Variants in SYNDIG1 observed in about 807,000 individuals in gnomAD.
SYNDIG1 encodes synapse differentiation inducing 1, also known as synapse differentiation-inducing gene protein 1.
In SYNDIG1, 9 loss-of-function variants were observed where a neutral mutation model predicts 19.4. The ratio of observed to expected loss-of-function variants is 0.46; its 90% confidence interval spans 0.28 to 0.81. The LOEUF is 0.81. SYNDIG1 is among the 30% of genes least tolerant of loss of function. The pLI, the probability that SYNDIG1 is intolerant of heterozygous loss-of-function variation, is 0.12. For missense variants in SYNDIG1, 311 were observed against 343.3 expected (o/e 0.91, Z 0.74); for synonymous variants, 141 against 145.9 (o/e 0.97, Z 0.24).
chr20:24,484,493 G>A (rs563705011), intron 1 of SYNDIG1, among the ~76,000 whole-genome samples: 4 of 152,230 alleles, frequency 2.6e-5, no homozygotes, highest in Admixed American at 6.5e-5. Context: ...GTCAGGTCAC[G>A]TCACTGTCGC....
chr20:24,505,974 T>C (rs934239426), intron 1 of SYNDIG1, among the ~76,000 whole-genome samples: 1 of 152,240 alleles, frequency 6.6e-6, no homozygotes, highest in East Asian at 1.9e-4. Context: ...TCTTTGTAAC[T>C]GGTCCAGAAC....
intron 3 of SYNDIG1, among the ~76,000 whole-genome samples, chr20:24,591,008 G>C (rs1257035693): frequency 6.6e-6 from 1 of 152,024 alleles, no homozygotes; most frequent in Non-Finnish European, 1.5e-5. Context: ...TGGGTGCTGG[G>C]GACATTCTCT....
chr20:24,627,971 A>G (rs572522528), intron 3 of SYNDIG1, among the ~76,000 whole-genome samples: 1 of 152,330 alleles, frequency 6.6e-6, no homozygotes, highest in African/African-American at 2.4e-5. Flanking sequence ...GTATCTTTAA[A>G]TCTTTTATTC....
At chr20:24,582,109 C>T (rs2058335407) in intron 2 of SYNDIG1, among the ~76,000 whole-genome samples, 1 of 132,252 alleles carries the variant, frequency 7.6e-6, no homozygotes, top group African/African-American at 2.9e-5. Context: ...TGTCCTCCCC[C>T]ATGTACGTCC....
At position 24,602,343 on chromosome 20, in the gene SYNDIG1, C is replaced by G. The variant is rs534884387; in HGVS notation, c.618+17350C>G. On this transcript the variant is annotated intron_variant, in intron 3 of 3. Transcript: ENST00000376862. ...TTATTTCTTTGCTGTTTTTCCAGCACATACGGCACAAAAAATTCAAGACCA... is the reference window on the plus strand; with the variant it reads ...TTATTTCTTTGCTGTTTTTCCAGCAGATACGGCACAAAAAATTCAAGACCA... Among the ~76,000 whole-genome samples the G allele has an allele frequency of 5.3e-5, 8 of 152,330 alleles. No individual in the cohort carries two copies. In the South Asian group the frequency reaches 1.4e-3, roughly 28 times the overall value.
intron 3 of SYNDIG1, among the ~76,000 whole-genome samples, chr20:24,623,665 G>T (rs1435814943): frequency 6.6e-6 from 1 of 152,144 alleles, no homozygotes; most frequent in African/African-American, 2.4e-5. Flanking sequence ...TGAGGTACCC[G>T]CACGACACAT....
At chr20:24,606,181 T>C (rs2058754471) in intron 3 of SYNDIG1, among the ~76,000 whole-genome samples, 1 of 152,230 alleles carries the variant, frequency 6.6e-6, no homozygotes, top group Admixed American at 6.5e-5. Context: ...GGAGCATCAT[T>C]GCAAGTGTCT....
At position 24,548,776 on chromosome 20, in the gene SYNDIG1, T is replaced by G. The variant is rs1032736843; in HGVS notation, c.480+5199T>G. On this transcript the variant is annotated intron_variant, in intron 2 of 3. Transcript: ENST00000376862. ...TTTAGTGTGAGTGAACGAACATCCTTGCCTTGCTCCTGATCTTAGGGGGAG... is the reference window on the plus strand; with the variant it reads ...TTTAGTGTGAGTGAACGAACATCCTGGCCTTGCTCCTGATCTTAGGGGGAG... Among the ~76,000 whole-genome samples the G allele has an allele frequency of 3.9e-5, 6 of 152,184 alleles. No homozygotes were observed. In the East Asian group the frequency reaches 9.6e-4, roughly 24 times the overall value.
chr20:24,551,241 C>T (rs555315539), intron 2 of SYNDIG1, among the ~76,000 whole-genome samples: 2 of 152,112 alleles, frequency 1.3e-5, no homozygotes, highest in Admixed American at 1.3e-4. Context: ...ATTCTTGTCC[C>T]AGTTTTAGTA....
intron 1 of SYNDIG1, among the ~76,000 whole-genome samples, chr20:24,521,989 C>T (rs1355124587): frequency 6.6e-6 from 1 of 152,058 alleles, no homozygotes; most frequent in Admixed American, 6.5e-5. Flanking sequence ...ACTTCATTTG[C>T]CCAGACACTT....
At chr20:24,635,532 G>T (rs2059306583) in intron 3 of SYNDIG1, among the ~76,000 whole-genome samples, 1 of 152,174 alleles carries the variant, frequency 6.6e-6, no homozygotes, top group Non-Finnish European at 1.5e-5. Context: ...TCTCTGTGCT[G>T]GTTGGGTCTT....
rs551004396 is a variant in SYNDIG1, at chr20:24,496,092, G to T, written c.-79+26339G>T. 2.0e-5 allele frequency among the ~76,000 whole-genome samples: 3 copies of T among 152,158 alleles called. No homozygotes were observed. The South Asian group carries it at 6.2e-4, about 32-fold the overall frequency. On this transcript the variant is annotated intron_variant, in intron 1 of 3. Coordinates refer to ENST00000376862, the MANE Select transcript of SYNDIG1 (RefSeq NM_024893.3). ...GATCTCCTGACCTCGTGATCAGCCC[G>T]CCTCGGCCTCCCAAAGTGCTGGGAT...
intron 1 of SYNDIG1, among the ~76,000 whole-genome samples, chr20:24,519,808 G>C (rs1316648645): frequency 6.6e-6 from 1 of 151,262 alleles, no homozygotes; most frequent in East Asian, 1.9e-4. Context: ...CCCTTAGACA[G>C]ACAGACAGAC....
At chr20:24,606,611 AT>A (rs1369598454) in intron 3 of SYNDIG1, among the ~76,000 whole-genome samples, 1 of 152,340 alleles carries the variant, frequency 6.6e-6, no homozygotes, top group East Asian at 1.9e-4. Flanking sequence ...CTTTGAATAG[AT>A]TTAGGAAACT....
intron 3 of SYNDIG1, among the ~76,000 whole-genome samples, chr20:24,587,387 C>G (rs569808913): frequency 2.0e-5 from 3 of 152,184 alleles, no homozygotes; most frequent in African/African-American, 7.2e-5. Context: ...GAACTCCCAT[C>G]CCAGGCAGCT....
chr20:24,619,207 C>A (rs936425225), intron 3 of SYNDIG1, among the ~76,000 whole-genome samples: 3 of 152,298 alleles, frequency 2.0e-5, no homozygotes, highest in Admixed American at 6.5e-5. Flanking sequence ...AACCCTCAGC[C>A]CTCAGCCAAA....
chr20:24,655,270 A>G (rs1275036932), intron 3 of SYNDIG1, among the ~76,000 whole-genome samples: 1 of 152,218 alleles, frequency 6.6e-6, no homozygotes, highest in Non-Finnish European at 1.5e-5. Flanking sequence ...GGTAAAAACT[A>G]TAGCAACTGA....
intron 1 of SYNDIG1, among the ~76,000 whole-genome samples, chr20:24,541,355 A>C (rs1471814845): frequency 6.6e-6 from 1 of 152,104 alleles, no homozygotes; most frequent in Non-Finnish European, 1.5e-5. Context: ...TTTCCCACTC[A>C]CCTGATATTC....
intron 1 of SYNDIG1, among the ~76,000 whole-genome samples, chr20:24,512,349 C>T (rs34695983): frequency 5.3e-5 from 8 of 151,242 alleles, no homozygotes; most frequent in South Asian, 2.1e-4. Flanking sequence ...GGCATTGCCT[C>T]GCCCGGGAAG....
Sources: allele counts gnomAD v4.1 joint callset (sites outside exome capture counted in the v4.1 genomes callset), GRCh38; gene constraint gnomAD v4.1.1; transcripts MANE v1.5; gene names NCBI Gene and HGNC (gene_info 2026-07-23, HGNC 2026-07-21).